Variants in MYO18B observed in about 807,000 individuals in gnomAD.
MYO18B encodes the protein unconventional myosin-XVIIIb.
In MYO18B, 204 loss-of-function variants were observed where a neutral mutation model predicts 273.0. The ratio of observed to expected loss-of-function variants is 0.75; its 90% CI spans 0.67 to 0.84. The LOEUF is 0.84. MYO18B is among the 40% of genes least tolerant of loss of function. The pLI, the probability that MYO18B is intolerant of heterozygous loss-of-function variation, is 0.00. For synonymous variants in MYO18B, 1,330 were observed against 1,305.7 expected (o/e 1.02, Z -0.40); for missense variants, 3,212 against 3,287.6 (o/e 0.98, Z 0.56).
At chr22:25,799,109 T>C (rs975716817) in intron 12 of MYO18B, among the ~76,000 whole-genome samples, 5 of 147,804 alleles carry the variant, frequency 3.4e-5, no homozygotes, top group Non-Finnish European at 7.5e-5. Flanking sequence ...CTTACTGTTA[T>C]CACCTTATGC....
chr22:25,782,912 C>T (rs887407903), intron 10 of MYO18B, among the ~76,000 whole-genome samples: 1 of 152,132 alleles, frequency 6.6e-6, no homozygotes, highest in African/African-American at 2.4e-5. Context: ...GTGACAGGTA[C>T]CACAGACTCG....
intron 40 of MYO18B, among the ~76,000 whole-genome samples, chr22:26,002,306 C>T (rs1934032561): frequency 1.3e-5 from 2 of 152,196 alleles, no homozygotes; most frequent in Admixed American, 1.3e-4. Context: ...GACTTTTCTT[C>T]TGTTGGATTC....
intron 14 of MYO18B, among the ~76,000 whole-genome samples, chr22:25,828,143 A>G (rs1233729834): frequency 6.6e-6 from 1 of 152,008 alleles, no homozygotes; most frequent in Non-Finnish European, 1.5e-5. Context: ...ATCACACCCA[A>G]CCCTCACAAC....
intron 17 of MYO18B, among the ~76,000 whole-genome samples, chr22:25,836,964 AAATAATAATAATAATAATAATAATAAT>A (rs71191082): frequency 2.8e-5 from 4 of 142,156 alleles, no homozygotes; most frequent in African/African-American, 7.8e-5. Context: ...TTCCATCTCA[AAATAATAATAATAATAATAATAATAAT>A]AATAATAATA....
In MYO18B at chr22:25,989,640, A is replaced by C. The variant is rs1042686336; in HGVS notation, c.6157-2723A>C. ...TACTAAAAATACAAAAAAAAAAAAA[A>C]AAAAAAAAAAAAGCCAGCGTGGTGG... On this transcript the variant is annotated intron_variant, in intron 39 of 43. Coordinates refer to ENST00000335473, the MANE Select transcript of MYO18B (RefSeq NM_032608.7). 2.0e-4 allele frequency among the ~76,000 whole-genome samples: 30 copies of C among 149,012 alleles called. 1 individual carries two copies. The highest frequency in any genetic ancestry group is 8.7e-4 in the South Asian group (4 of 4,624).
intron 12 of MYO18B, among the ~76,000 whole-genome samples, chr22:25,817,085 C>T (rs992693690): frequency 9.9e-5 from 15 of 152,190 alleles, no homozygotes; most frequent in African/African-American, 2.9e-4. Flanking sequence ...TTCTCTCTCT[C>T]GCTCTCATTT....
chr22:25,835,130 A>G (rs1159034136), intron 16 of MYO18B, among the ~76,000 whole-genome samples, 166 bp from the exon 17 acceptor site: 1 of 152,214 alleles, frequency 6.6e-6, no homozygotes, highest in Non-Finnish European at 1.5e-5. Context: ...TATAGCTTCA[A>G]CACTGAGAGT....
rs201482451 is a variant in MYO18B, at chr22:25,770,935, T to C, written c.1643T>C (p.Ile548Thr). ...DLPAGRVRLW[I>T]DADKTITEVD... ...CCAGCAGGAAGGGTGAGACTTTGGA[T>C]TGATGCTGACAAAACCATCACTGAG... The change falls in exon 6 of 44, where the codon ATT becomes ACT. Residue 548 changes from isoleucine (I) to threonine (T), a missense_variant. Transcript: ENST00000335473. The C allele has an allele frequency of 1.9e-5, 30 of 1,552,116 alleles. No individual in the cohort carries two copies. Among genetic ancestry groups the C allele is most frequent in the Non-Finnish European group, 2.4e-5 (28 of 1,147,216 alleles).
chr22:26,017,967 GTTTTTTTT>G (rs869143722), intron 42 of MYO18B, among the ~76,000 whole-genome samples: 10 of 9,780 alleles, frequency 1.0e-3, no homozygotes, highest in South Asian at 5.3e-3. Context: ...TTACTGTTTT[GTTTTTTTT>G]TTTTTTTTTT....
chr22:25,882,329 T>C (rs1417108159), intron 25 of MYO18B, among the ~76,000 whole-genome samples: 4 of 150,596 alleles, frequency 2.7e-5, no homozygotes, highest in African/African-American at 9.8e-5. Context: ...GGAAACAAGC[T>C]ATTTCATAGA....
chr22:26,036,082 G>A, the MYO18B span, among the ~76,000 whole-genome samples: 3 of 152,194 alleles, frequency 2.0e-5, no homozygotes, highest in East Asian at 1.9e-4. Flanking sequence ...GAGGAGAGGG[G>A]AGACTGTTGT....
At chr22:26,012,087 A>G (rs921115714) in intron 42 of MYO18B, among the ~76,000 whole-genome samples, 1 of 152,210 alleles carries the variant, frequency 6.6e-6, no homozygotes, top group Non-Finnish European at 1.5e-5. Flanking sequence ...GAATAAGTAA[A>G]AAGGTCTAAA....
rs139853889 is a variant in MYO18B at position 25,866,289 on chromosome 22, G to A, written c.3886-2031G>A. 7.0e-3 allele frequency among the ~76,000 whole-genome samples: 1,059 copies of A among 152,130 alleles called. 11 individuals are homozygous for A. The highest frequency in any genetic ancestry group is 0.024 in the African/African-American group (1,012 of 41,414). On this transcript the variant is annotated intron_variant, in intron 21 of 43. Coordinates refer to ENST00000335473, the MANE Select transcript of MYO18B (RefSeq NM_032608.7). ...ATGAGGGTGGGTGGGAGGGGAATTG[G>A]CAGTCACTAAGCAACCAGGCACAAC...
chr22:25,930,450 C>T (rs373653436), intron 34 of MYO18B, among the ~76,000 whole-genome samples: 1 of 151,904 alleles, frequency 6.6e-6, no homozygotes, highest in Non-Finnish European at 1.5e-5. Flanking sequence ...AACCTCTCCC[C>T]GCCATGCCAC....
In MYO18B at chr22:25,772,644, C is replaced by T. The variant is rs571171539; in HGVS notation, c.1869+134C>T. 256 of 907,096 alleles carry T rather than the reference C, an allele frequency of 2.8e-4. 2 individuals are homozygous for T. The highest frequency in any genetic ancestry group is 2.3e-3 in the African/African-American group (136 of 59,756). The allele number at this position is 907,096 out of a possible 1,614,324, so 56.2% of individuals were successfully genotyped here. ...CTGTCTGCAAGCAGCATCCTTCTCG[C>T]GGCATTGTGGCATCCTGTGGCATGG... On this transcript the variant is annotated intron_variant, in intron 7 of 43. Coordinates refer to ENST00000335473, the MANE Select transcript of MYO18B (RefSeq NM_032608.7).
At chr22:25,825,990 C>T (rs1455928960) in intron 13 of MYO18B, among the ~76,000 whole-genome samples, 1 of 152,216 alleles carries the variant, frequency 6.6e-6, no homozygotes, top group Non-Finnish European at 1.5e-5. Context: ...GGGACAGCGC[C>T]TATCTTCAGG....
chr22:25,789,772 A>C (rs2087575512), intron 11 of MYO18B, among the ~76,000 whole-genome samples: 1 of 152,232 alleles, frequency 6.6e-6, no homozygotes, highest in Admixed American at 6.5e-5. Context: ...CACCACCCTG[A>C]GAAACCCACT....
At chr22:25,743,561 G>GCAAAGGAAAAGGC (rs2085691056) in intron 1 of MYO18B, among the ~76,000 whole-genome samples, 1 of 151,830 alleles carries the variant, frequency 6.6e-6, no homozygotes, top group Non-Finnish European at 1.5e-5. Context: ...AAGAATAATA[G>GCAAAGGAAAAGGC]CAAAGGAAAA....
At position 25,874,340 on chromosome 22, in the gene MYO18B, G is replaced by T; in HGVS notation, c.4006G>T (p.Val1336Leu). 6.2e-7 allele frequency: 1 copy of T among 1,613,960 alleles called. No homozygotes were observed. Among genetic ancestry groups the T allele is most frequent in the Non-Finnish European group, 8.5e-7 (1 of 1,179,882 alleles). Residue 1336 changes from valine to leucine, a missense_variant, in exon 23 of 44, where the codon GTA becomes TTA. Physicochemically the swap from Val to Leu is conservative, Grantham distance 32. Coordinates refer to ENST00000335473, the MANE Select transcript of MYO18B (RefSeq NM_032608.7). ...GCTTGAGAAGCAGCGAGAGAAGCTG[G>T]TATCTCAGAGCATCGTTCTCTTCCA... ...SRLEKQREKL[V>L]SQSIVLFQAA...
Sources: allele counts gnomAD v4.1 joint callset (sites outside exome capture counted in the v4.1 genomes callset), GRCh38; gene constraint gnomAD v4.1.1; transcripts MANE v1.5; gene names NCBI Gene and HGNC (gene_info 2026-07-23, HGNC 2026-07-21).